Variants in R3HCC1 observed in about 807,000 individuals in gnomAD.
R3HCC1 encodes R3H and coiled-coil domain-containing protein 1.
Under a neutral mutation model 40.0 loss-of-function variants are expected in R3HCC1, and 32 were observed. The observed-to-expected ratio is 0.80, with a 90% confidence interval of 0.60 to 1.07. The LOEUF (loss-of-function observed/expected upper bound fraction) is 1.07, where lower values mean the gene tolerates loss of function less well. Among genes scored for constraint, R3HCC1 ranks in the 50% least tolerant of loss-of-function variants. The probability of loss-of-function intolerance (pLI) is 0.00; values close to 1 mark genes in which losing one functional copy is unlikely to be tolerated. For missense variants in R3HCC1, 586 were observed against 563.3 expected (o/e 1.04, Z -0.41); for synonymous variants, 237 against 232.8 (o/e 1.02, Z -0.17).
intron 5 of R3HCC1, among the ~76,000 whole-genome samples, chr8:23,292,347 G>A (rs955988311): frequency 6.6e-6 from 1 of 152,166 alleles, no homozygotes; most frequent in African/African-American, 2.4e-5. Context: ...GCTCACGCCT[G>A]TAATCCCAGC....
intron 5 of R3HCC1, 43 bp downstream of exon 5, chr8:23,291,576 A>C (rs2272759): frequency 1.9e-6 from 3 of 1,546,378 alleles, no homozygotes; most frequent in Non-Finnish European, 2.6e-6. Context: ...AGAGGAGCTA[A>C]GATACTTCTC....
At chr8:23,294,633 T>G (rs1056666053) in intron 6 of R3HCC1, 136 bp from the exon 7 acceptor site, 9 of 681,102 alleles carry the variant, frequency 1.3e-5, no homozygotes, top group Admixed American at 1.2e-4. Flanking sequence ...CTCTTGCCCA[T>G]CCAGGGCGGT....
intron 5 of R3HCC1, among the ~76,000 whole-genome samples, chr8:23,291,777 G>A (rs542123350): frequency 6.6e-6 from 1 of 152,368 alleles, no homozygotes; most frequent in Non-Finnish European, 1.5e-5. Context: ...CTGCCCCCCT[G>A]CATGGCCACA....
chr8:23,293,809 C>T (rs1265974985), intron 6 of R3HCC1, among the ~76,000 whole-genome samples: 1 of 152,140 alleles, frequency 6.6e-6, no homozygotes, highest in Non-Finnish European at 1.5e-5. Flanking sequence ...CTCCATTGTA[C>T]AGCTGGAGAG....
intron 7 of R3HCC1, among the ~76,000 whole-genome samples, 165 bp from the exon 8 acceptor site, chr8:23,295,802 C>T (rs1802998846): frequency 2.0e-5 from 3 of 152,220 alleles, no homozygotes; most frequent in Non-Finnish European, 2.9e-5. Context: ...CCTAAGTTGG[C>T]CCCCTCTCAT....
chr8:23,294,758 T>G lies in R3HCC1; in HGVS notation c.1097-11T>G, dbSNP rs190502477. 4.8e-3 allele frequency: 7,418 copies of G among 1,549,900 alleles called. 28 individuals carry two copies. Among genetic ancestry groups the G allele is most frequent in the Middle Eastern group, 8.7e-3 (52 of 5,980 alleles). On this transcript the variant is annotated splice_polypyrimidine_tract_variant and intron_variant, in intron 6 of 7. Transcript: ENST00000265806. ...GGAGGGAGTGGCTCCACGCCTGCTTTCTTTCCACAGCTGCGGAAGCCCTGA... is the reference window on the plus strand; with the variant it reads ...GGAGGGAGTGGCTCCACGCCTGCTTGCTTTCCACAGCTGCGGAAGCCCTGA...
chr8:23,295,449 C>T, intron 7 of R3HCC1: 1 of 457,160 alleles, frequency 2.2e-6, no homozygotes, highest in South Asian at 1.5e-5. Flanking sequence ...TTTTCCCCTT[C>T]TACTTCCAGA....
chr8:23,288,838 G>C (rs1003632800), intron 2 of R3HCC1, among the ~76,000 whole-genome samples, 178 bp from the exon 3 acceptor site: 1 of 152,186 alleles, frequency 6.6e-6, no homozygotes, highest in African/African-American at 2.4e-5. Context: ...CAGGGATTGG[G>C]GATGGGACCT....
chr8:23,290,439 G>T lies in R3HCC1; in HGVS notation c.822G>T (p.Ser274=). The change falls in exon 4 of 8, where the codon TCG becomes TCT. Residue 274 remains serine (S), a synonymous_variant. Coordinates refer to ENST00000265806, the MANE Select transcript of R3HCC1 (RefSeq NM_001136108.3). Reference sequence around the variant, plus strand: ...AAGAGGATGGCCCCAGCAGCTGCTCGGAGGACGATTACAGTGAGCTGCTGC... The same window carrying T: ...AAGAGGATGGCCCCAGCAGCTGCTCTGAGGACGATTACAGTGAGCTGCTGC... 1 of 1,551,148 alleles carries T rather than the reference G, an allele frequency of 6.4e-7. No homozygotes were observed. The highest frequency in any genetic ancestry group is 8.7e-7 in the Non-Finnish European group (1 of 1,146,838).
intron 4 of R3HCC1, 108 bp from the exon 5 acceptor site, chr8:23,291,252 CT>C: frequency 1.4e-6 from 2 of 1,433,672 alleles, no homozygotes; most frequent in South Asian, 3.0e-5. Flanking sequence ...CTTTCCCAGA[CT>C]TTTGCCAGGT....
In R3HCC1 at chr8:23,288,143, C is replaced by T. The variant is rs1002112349; in HGVS notation, c.-33C>T. 2.6e-5 allele frequency: 33 copies of T among 1,249,910 alleles called. No individual in the cohort carries two copies. In the East Asian group the frequency reaches 9.7e-4, roughly 37 times the overall value. The allele number at this position is 1,249,910 out of a possible 1,614,324, so 77.4% of individuals were successfully genotyped here. A position where few individuals can be genotyped will look rare whatever the true frequency, so the allele number is the denominator to read the frequency against. ...GGGGACGCCGAGGGCGGCTGCGACG[C>T]GCCGAGAGGCCGCGGTGAGTGCAGC... On this transcript the variant is annotated 5_prime_UTR_variant, in exon 1 of 8. Coordinates refer to ENST00000265806, the MANE Select transcript of R3HCC1 (RefSeq NM_001136108.3).
intron 2 of R3HCC1, 128 bp from the exon 3 acceptor site, chr8:23,288,888 T>G: frequency 7.2e-6 from 8 of 1,117,454 alleles, no homozygotes; most frequent in Non-Finnish European, 8.8e-6. Context: ...CTCAGATCCT[T>G]TGCAGTCCAT....
intron 3 of R3HCC1, 131 bp from the exon 4 acceptor site, chr8:23,289,735 A>G: frequency 2.3e-6 from 3 of 1,292,336 alleles, no homozygotes; most frequent in Non-Finnish European, 3.1e-6. Flanking sequence ...GGGATTTTCG[A>G]GGGTCATTTT....
In R3HCC1 at chr8:23,290,477, G is replaced by T; in HGVS notation, c.852+8G>T. 1 of 1,544,272 alleles carries T rather than the reference G, an allele frequency of 6.5e-7. No individual in the cohort carries two copies. Among genetic ancestry groups the T allele is most frequent in the Non-Finnish European group, 8.7e-7 (1 of 1,143,176 alleles). ...AGTGAGCTGCTGCAGGAGGTGATGA[G>T]GCTCTTGAGCCCGAAAAGGGAGGGC... On this transcript the variant is annotated splice_region_variant and intron_variant, in intron 4 of 7. Transcript: ENST00000265806.
chr8:23,292,907 C>T (rs1802899130), intron 5 of R3HCC1, among the ~76,000 whole-genome samples: 1 of 152,196 alleles, frequency 6.6e-6, no homozygotes, highest in African/African-American at 2.4e-5. Context: ...GGTGGCCCTG[C>T]TGGTTTGAGG....
At chr8:23,289,233 G>C in intron 3 of R3HCC1, 80 bp downstream of exon 3, 2 of 1,461,888 alleles carry the variant, frequency 1.4e-6, no homozygotes, top group Non-Finnish European at 1.8e-6. Flanking sequence ...TGGAAGGGCA[G>C]GGCTGGGGGG....
chr8:23,295,838 A>C (rs1007672951), intron 7 of R3HCC1, 129 bp from the exon 8 acceptor site: 1 of 1,314,814 alleles, frequency 7.6e-7, no homozygotes, highest in Admixed American at 2.9e-5. Context: ...CCACGGGCAC[A>C]GCTGGGCCGA....
Position 23,289,106 on chromosome 8 carries a change from T to C in R3HCC1, c.201T>C (p.Val67=), listed in dbSNP as rs1802804237. ...TTGATCTCTTGAGCAGCTTCTCCGT[T>C]GGGGAGGGCTGGAAGAGGAGGACGG... Residue 67 remains valine (V), a synonymous_variant, in exon 3 of 8, where the codon GTT becomes GTC. Transcript: ENST00000265806. The C allele has an allele frequency of 3.9e-6, 6 of 1,536,338 alleles. No individual in the cohort carries two copies. The highest frequency in any genetic ancestry group is 5.2e-6 in the Non-Finnish European group (6 of 1,146,940).
intron 5 of R3HCC1, 63 bp from the exon 6 acceptor site, chr8:23,293,240 G>T (rs1380905215): frequency 1.4e-6 from 2 of 1,385,522 alleles, no homozygotes; most frequent in South Asian, 1.2e-5. Context: ...GTGGCTGCGG[G>T]ATTCGAAGAG....
Sources: gnomAD v4.1 joint callset for allele counts (sites outside exome capture counted in the v4.1 genomes callset) on GRCh38, gnomAD v4.1.1 for gene constraint, MANE v1.5 for transcripts, NCBI Gene and HGNC (gene_info 2026-07-23, HGNC 2026-07-21) for gene names.